Variants in MCTP1 observed in about 807,000 individuals in gnomAD.
MCTP1 encodes the protein multiple C2 and transmembrane domain containing 1.
Under a neutral mutation model 120.6 loss-of-function variants are expected in MCTP1, and 69 were observed. The ratio of observed to expected loss-of-function variants is 0.57; its 90% confidence interval spans 0.47 to 0.70. The LOEUF (loss-of-function observed/expected upper bound fraction) is 0.70. MCTP1 is among the 30% of genes least tolerant of loss of function. The probability of loss-of-function intolerance (pLI) is 0.00; values close to 1 mark genes in which losing one functional copy is unlikely to be tolerated. For missense variants in MCTP1, 1,203 were observed against 1,248.8 expected, an observed-to-expected ratio of 0.96 and a Z score of 0.55; for synonymous variants, 529 against 493.1, an observed-to-expected ratio of 1.07 and a Z score of -0.96.
chr5:95,100,949 T>C (rs1473854824), intron 1 of MCTP1, among the ~76,000 whole-genome samples: 1 of 152,170 alleles, frequency 6.6e-6, no homozygotes, highest in Non-Finnish European at 1.5e-5. Flanking sequence ...GAACCAGGGA[T>C]TCCTAAATAA....
intron 17 of MCTP1, among the ~76,000 whole-genome samples, chr5:94,821,100 G>A (rs1311649217): frequency 6.6e-6 from 1 of 152,198 alleles, no homozygotes; most frequent in African/African-American, 2.4e-5. Flanking sequence ...TTCATCGTCT[G>A]TATATAGTGC....
chr5:95,214,434 A>C (rs975390785), intron 1 of MCTP1, among the ~76,000 whole-genome samples: 4 of 151,914 alleles, frequency 2.6e-5, no homozygotes. Context: ...AAACTAGTTC[A>C]ACCATTGTGG....
intron 1 of MCTP1, among the ~76,000 whole-genome samples, chr5:95,211,381 C>T (rs371955867): frequency 6.6e-6 from 1 of 152,092 alleles, no homozygotes; most frequent in Non-Finnish European, 1.5e-5. Context: ...TTTCTTTTTA[C>T]TCTTTTTTCT....
At chr5:94,872,636 C>G (rs1470217862) in intron 13 of MCTP1, among the ~76,000 whole-genome samples, 1 of 151,952 alleles carries the variant, frequency 6.6e-6, no homozygotes, top group Non-Finnish European at 1.5e-5. Context: ...TACAAACTTT[C>G]TAAAACAAAA....
At position 95,166,556 on chromosome 5, in the gene MCTP1, C is replaced by T. The variant is rs936368393; in HGVS notation, c.720+117300G>A. ...TTATTTTAAAAACTTATTTACCACCCTAATTTTAATCATTTTTTTTTTTTT... is the reference window on the plus strand; with the variant it reads ...TTATTTTAAAAACTTATTTACCACCTTAATTTTAATCATTTTTTTTTTTTT... On this transcript the variant is annotated intron_variant, in intron 1 of 22. Transcript: ENST00000515393. 4.8e-5 allele frequency among the ~76,000 whole-genome samples: 7 copies of T among 146,248 alleles called. No individual in the cohort carries two copies. In the South Asian group the frequency reaches 1.5e-3, roughly 32 times the overall value.
At chr5:94,921,701 C>G (rs1435898099) in intron 7 of MCTP1, among the ~76,000 whole-genome samples, 1 of 152,166 alleles carries the variant, frequency 6.6e-6, no homozygotes, top group Non-Finnish European at 1.5e-5. Flanking sequence ...TAATACTCAA[C>G]CAAAGTAGAC....
At chr5:95,127,340 A>T (rs1437451372) in intron 1 of MCTP1, among the ~76,000 whole-genome samples, 1 of 152,102 alleles carries the variant, frequency 6.6e-6, no homozygotes, top group Non-Finnish European at 1.5e-5. Flanking sequence ...TCAGTGGGAT[A>T]CTCAGGGTTG....
At chr5:94,932,741 C>A (rs1390129741) in intron 5 of MCTP1, among the ~76,000 whole-genome samples, 1 of 152,104 alleles carries the variant, frequency 6.6e-6, no homozygotes, top group African/African-American at 2.4e-5. Flanking sequence ...TCCTGATTAA[C>A]CTCTTTCCCC....
At chr5:94,844,301 C>CAAAAAAAAAAAAA (rs59169145) in intron 17 of MCTP1, among the ~76,000 whole-genome samples, 1 of 79,696 alleles carries the variant, frequency 1.3e-5, no homozygotes, top group Non-Finnish European at 2.3e-5. Context: ...GACTCTGTCT[C>CAAAAAAAAAAAAA]AAAAAAAAAA....
At chr5:95,115,259 CAT>C (rs1757733018) in intron 1 of MCTP1, among the ~76,000 whole-genome samples, 1 of 152,040 alleles carries the variant, frequency 6.6e-6, no homozygotes, top group Non-Finnish European at 1.5e-5. Context: ...TTCAGGAAAA[CAT>C]AATCTCACCA....
At chr5:94,961,373 A>G (rs562786661) in intron 2 of MCTP1, among the ~76,000 whole-genome samples, 1 of 152,274 alleles carries the variant, frequency 6.6e-6, no homozygotes, top group South Asian at 2.1e-4. Flanking sequence ...TATGTAACAA[A>G]TCTGCACGTT....
At chr5:94,916,537 A>AT (rs1403406130) in intron 8 of MCTP1, among the ~76,000 whole-genome samples, 2 of 152,160 alleles carry the variant, frequency 1.3e-5, no homozygotes, top group Non-Finnish European at 2.9e-5. Flanking sequence ...ACTTTTACTT[A>AT]TTTTCAGAAT....
At chr5:95,090,660 C>T (rs1755779433) in intron 1 of MCTP1, among the ~76,000 whole-genome samples, 1 of 151,988 alleles carries the variant, frequency 6.6e-6, no homozygotes. Context: ...ATTTTCAAGA[C>T]CATGTAAAAT....
chr5:94,983,309 G>A (rs1313897468), intron 2 of MCTP1, among the ~76,000 whole-genome samples: 3 of 152,120 alleles, frequency 2.0e-5, no homozygotes, highest in Non-Finnish European at 4.4e-5. Context: ...CTATTAAATG[G>A]TTGTTGTTTT....
intron 1 of MCTP1, among the ~76,000 whole-genome samples, chr5:95,040,663 G>A (rs904627684): frequency 6.6e-6 from 1 of 152,026 alleles, no homozygotes; most frequent in Admixed American, 6.5e-5. Flanking sequence ...CTTCATAACT[G>A]ATGTGGTTGT....
intron 3 of MCTP1, among the ~76,000 whole-genome samples, chr5:94,948,858 T>G (rs1289568300): frequency 1.3e-5 from 2 of 152,150 alleles, no homozygotes; most frequent in Non-Finnish European, 2.9e-5. Flanking sequence ...CATTGATATG[T>G]GACATTTTTT....
chr5:94,863,841 T>C (rs1323204170), intron 17 of MCTP1, among the ~76,000 whole-genome samples: 2 of 151,782 alleles, frequency 1.3e-5, no homozygotes, highest in African/African-American at 4.8e-5. Context: ...TTTTTAATCA[T>C]TTGGCTATAC....
At chr5:94,983,897 G>T (rs1829984996) in intron 2 of MCTP1, among the ~76,000 whole-genome samples, 1 of 152,100 alleles carries the variant, frequency 6.6e-6, no homozygotes, top group African/African-American at 2.4e-5. Context: ...ATGGAAGAAG[G>T]GGCAAATGGA....
At chr5:94,710,695 T>C in intron 21 of MCTP1, 123 bp downstream of exon 21, 1 of 621,064 alleles carries the variant, frequency 1.6e-6, no homozygotes, top group South Asian at 2.3e-5. Flanking sequence ...CTGTCTCTTT[T>C]CATCATGGAG....
Sources: gnomAD v4.1 joint callset for allele counts (sites outside exome capture counted in the v4.1 genomes callset) on GRCh38, gnomAD v4.1.1 for gene constraint, MANE v1.5 for transcripts, NCBI Gene and HGNC (gene_info 2026-07-23, HGNC 2026-07-21) for gene names.